ITFG2: variants seen among roughly 807,000 people sequenced by gnomAD.
The protein encoded by ITFG2 is integrin alpha FG-GAP repeat containing 2.
In ITFG2, 36 loss-of-function variants were observed where a neutral mutation model predicts 54.4. The ratio of observed to expected loss-of-function variants is 0.66; its 90% confidence interval spans 0.51 to 0.87. ITFG2 has a LOEUF of 0.87. Among genes scored for constraint, ITFG2 ranks in the 40% least tolerant of loss-of-function variants. ITFG2 has a pLI of 0.00. For missense variants in ITFG2, 524 were observed against 576.7 expected (o/e 0.91, Z 0.94); for synonymous variants, 211 against 225.4 (o/e 0.94, Z 0.57).
chr12:2,834,770 G>C (rs1485752248), upstream of ITFG2: 2 of 1,613,850 alleles, frequency 1.2e-6, no homozygotes, highest in Non-Finnish European at 1.7e-6. Context: ...TCTCGAAGCT[G>C]TGCCTCCTGC....
chr12:2,847,538 A>AGG (rs2098056645), intron 2 of ITFG2, among the ~76,000 whole-genome samples: 2 of 152,026 alleles, frequency 1.3e-5, no homozygotes, highest in South Asian at 2.1e-4. Flanking sequence ...ATCGTGGCGC[A>AGG]CGCCTGTAGT....
chr12:2,816,330 CTTTTT>C (rs34665036), intron 1 of ITFG2, among the ~76,000 whole-genome samples: 1 of 120,452 alleles, frequency 8.3e-6, no homozygotes, highest in African/African-American at 3.2e-5. Context: ...CGCACACAGC[CTTTTT>C]TTTTTTTTTT....
intron 2 of ITFG2, among the ~76,000 whole-genome samples, chr12:2,851,063 A>G (rs2098069283): frequency 8.2e-6 from 1 of 122,314 alleles, no homozygotes; most frequent in African/African-American, 3.2e-5. Flanking sequence ...GCTACTTGGG[A>G]GGCTGAGCCA....
chr12:2,837,754 A>G (rs555616274), intron 1 of ITFG2, among the ~76,000 whole-genome samples: 50 of 152,344 alleles, frequency 3.3e-4, no homozygotes, highest in African/African-American at 1.2e-3. Context: ...ACTTGAGTCC[A>G]GAAATTCGAG....
intron 1 of ITFG2, among the ~76,000 whole-genome samples, chr12:2,813,767 C>T (rs2097914956): frequency 6.6e-6 from 1 of 152,126 alleles, no homozygotes; most frequent in African/African-American, 2.4e-5. Flanking sequence ...TATTTCCCAC[C>T]GCCCCCTAGT....
At chr12:2,817,049 C>G (rs1346656168) in intron 1 of ITFG2, among the ~76,000 whole-genome samples, 174 bp from the exon 2 acceptor site, 1 of 152,200 alleles carries the variant, frequency 6.6e-6, no homozygotes, top group African/African-American at 2.4e-5. Context: ...ACCTCCACCA[C>G]CCAAAGTAGT....
At chr12:2,827,913 A>AG (rs765454063), downstream of ITFG2, 11 of 1,613,902 alleles carry the variant, frequency 6.8e-6, no homozygotes, top group Non-Finnish European at 8.5e-6. The surrounding 1 kb of genome is among the most constrained non-coding windows in gnomAD (Gnocchi z 4.0). Flanking sequence ...CTGTTGCAGA[A>AG]GGGGGGACTT....
At position 2,824,244 on chromosome 12, in the gene ITFG2, C is replaced by A; in HGVS notation, c.*51C>A. 6.5e-7 allele frequency: 1 copy of A among 1,539,638 alleles called. No homozygotes were observed. Among genetic ancestry groups the A allele is most frequent in the Non-Finnish European group, 9.0e-7 (1 of 1,112,714 alleles). On this transcript the variant is annotated 3_prime_UTR_variant, in exon 12 of 12. Coordinates refer to ENST00000228799, the MANE Select transcript of ITFG2 (RefSeq NM_018463.4). ...GGATTCTTCTGAACCCCCACCCTAC[C>A]CCCTAAAGGTATCTGTGGTATTGGC...
chr12:2,854,526 A>G (rs1241955316), intron 2 of ITFG2, among the ~76,000 whole-genome samples: 1 of 152,132 alleles, frequency 6.6e-6, no homozygotes, highest in East Asian at 1.9e-4. Context: ...CTTTACATTA[A>G]TAACTGACTT....
downstream of ITFG2, among the ~76,000 whole-genome samples, chr12:2,829,797 G>A (rs1377609849): frequency 1.3e-5 from 2 of 151,276 alleles, no homozygotes; most frequent in Non-Finnish European, 2.9e-5. Context: ...CGGAAAAGTC[G>A]AGGGGTGCGG....
chr12:2,820,660 C>CCCCCGGAG, intron 5 of ITFG2, 64 bp from the exon 6 acceptor site: 1 of 1,227,972 alleles, frequency 8.1e-7, no homozygotes, highest in Non-Finnish European at 1.2e-6. Flanking sequence ...CGCCCCCTGC[C>CCCCCGGAG]GTTCTCTGCA....
rs778526676 is a variant in ITFG2, at chr12:2,830,664, AGGCAG to A, written c.*60-167_*60-163del. On this transcript the variant is annotated intron_variant and NMD_transcript_variant, in intron 2 of 2. Transcript: ENST00000538822. ...AAAGGAGAGCAGGTGAAGTGAGTGC[AGGCAG>A]GGTTGTTAATGAAAGTGTGTCCCTG... 3.2e-5 allele frequency: 50 copies of A among 1,573,948 alleles called. No homozygotes were observed. The East Asian group carries it at 1.1e-3, about 34-fold the overall frequency.
At chr12:2,852,132 A>G (rs571222516) in intron 2 of ITFG2, among the ~76,000 whole-genome samples, 53 of 152,302 alleles carry the variant, frequency 3.5e-4, no homozygotes, top group Non-Finnish European at 7.4e-4. Context: ...TTTGTGGCAC[A>G]TGACTTCCTG....
chr12:2,849,386 C>T lies in ITFG2; in HGVS notation n.300+8391C>T, dbSNP rs866091729. ...CTCAGGGGCGCGCTGGGCAGCAAGG[C>T]CAGCTTTAGCACCTTCTCCTGGTAG... On this transcript the variant is annotated intron_variant and non_coding_transcript_variant, in intron 2 of 3. Coordinates refer to the ITFG2 transcript ENST00000537710. 2.6e-6 allele frequency: 4 copies of T among 1,536,022 alleles called. No homozygotes were observed. The East Asian group carries it at 7.3e-5, about 28-fold the overall frequency.
At chr12:2,835,101 G>A (rs912720059), upstream of ITFG2, 3 of 1,437,258 alleles carry the variant, frequency 2.1e-6, no homozygotes, top group African/African-American at 2.9e-5. Flanking sequence ...ACAGCTGGCT[G>A]ACTTGGCCGC....
chr12:2,846,810 C>G (rs1173142190), intron 2 of ITFG2, among the ~76,000 whole-genome samples: 4 of 151,746 alleles, frequency 2.6e-5, no homozygotes, highest in South Asian at 2.1e-4. Flanking sequence ...AGAGAAGGAC[C>G]ATGTAAGACA....
At chr12:2,838,348 G>A (rs879623579) in intron 1 of ITFG2, among the ~76,000 whole-genome samples, 2 of 152,098 alleles carry the variant, frequency 1.3e-5, no homozygotes, top group Admixed American at 1.3e-4. Flanking sequence ...GCATCCTTTG[G>A]GGGAGTTGTG....
chr12:2,820,683 C>T, intron 5 of ITFG2, 41 bp from the exon 6 acceptor site: 1 of 1,421,324 alleles, frequency 7.0e-7, no homozygotes. Flanking sequence ...GACCCACTTC[C>T]TTCTCTCTCC....
At chr12:2,858,474 C>T (rs1056939722) in intron 3 of ITFG2, 2 of 609,076 alleles carry the variant, frequency 3.3e-6, no homozygotes, top group Non-Finnish European at 2.9e-6. Flanking sequence ...AAGGTCCCAG[C>T]AGTGGCTAGG....
Sources: gnomAD v4.1 joint callset for allele counts (sites outside exome capture counted in the v4.1 genomes callset) on GRCh38, gnomAD v4.1.1 for gene constraint, Gnocchi (gnomAD v3.1) non-coding constraint, MANE v1.5 for transcripts, NCBI Gene and HGNC (gene_info 2026-07-23, HGNC 2026-07-21) for gene names.